MEGF11: variants seen among roughly 807,000 people sequenced by gnomAD.
MEGF11 encodes the protein multiple EGF like domains 11.
A neutral mutation model predicts 146.6 loss-of-function variants in MEGF11; 126 were observed. The observed-to-expected ratio is 0.86, with a 90% CI of 0.74 to 1.00. The LOEUF (loss-of-function observed/expected upper bound fraction) is 1.00. MEGF11 is among the 50% of genes least tolerant of loss of function. MEGF11 has a pLI of 0.00. For synonymous variants in MEGF11, 532 were observed against 583.4 expected, an observed-to-expected ratio of 0.91 and a Z score of 1.27; for missense variants, 1,509 against 1,521.2, an observed-to-expected ratio of 0.99 and a Z score of 0.13.
rs1054874255 is a variant in MEGF11 at position 66,162,727 on chromosome 15, G to A, written c.-8-34316C>T. On this transcript the variant is annotated intron_variant, in intron 1 of 25. Transcript: ENST00000395614. ...ATCTTGGTCTGGGTGGGGCCACACA[G>A]GTGTATCTATCTGTAAAGATTCCTC... Among the ~76,000 whole-genome samples the A allele has an allele frequency of 3.9e-5, 6 of 152,240 alleles. No homozygotes were observed. In the East Asian group the frequency reaches 7.7e-4, roughly 20 times the overall value.
At chr15:66,088,522 T>C (rs1438480952) in intron 5 of MEGF11, among the ~76,000 whole-genome samples, 1 of 152,104 alleles carries the variant, frequency 6.6e-6, no homozygotes. Context: ...CGTGGTGGCA[T>C]GCACCTGCAA....
At chr15:66,208,913 T>C (rs117363946) in intron 1 of MEGF11, among the ~76,000 whole-genome samples, 2,278 of 151,796 alleles carry the variant, frequency 0.015, 23 homozygotes, top group Non-Finnish European at 0.022. Flanking sequence ...TAAAAACATG[T>C]CCCAGCTAGA....
chr15:65,986,879 C>A (rs1383184696), intron 5 of MEGF11, among the ~76,000 whole-genome samples: 5 of 147,226 alleles, frequency 3.4e-5, no homozygotes, highest in African/African-American at 1.3e-4. Flanking sequence ...CTCACTGCAA[C>A]CTCTGTCTCC....
At chr15:65,906,259 TAGTTG>T in intron 23 of MEGF11, 118 bp from the exon 24 acceptor site, 1 of 673,686 alleles carries the variant, frequency 1.5e-6, no homozygotes. Context: ...AGAAAATAAA[TAGTTG>T]TTTATTGCTA....
At chr15:66,063,001 G>A (rs1345023503) in intron 5 of MEGF11, among the ~76,000 whole-genome samples, 3 of 152,218 alleles carry the variant, frequency 2.0e-5, no homozygotes, top group Non-Finnish European at 4.4e-5. Flanking sequence ...GTTTTCAGAT[G>A]TGAGTTTTAA....
At chr15:66,088,610 G>C (rs1392360253) in intron 5 of MEGF11, among the ~76,000 whole-genome samples, 3 of 151,726 alleles carry the variant, frequency 2.0e-5, no homozygotes, top group Non-Finnish European at 4.4e-5. Context: ...AACCGAGATT[G>C]CACCACTGCA....
intron 5 of MEGF11, among the ~76,000 whole-genome samples, chr15:66,054,237 G>A (rs532240535): frequency 6.6e-6 from 1 of 152,164 alleles, no homozygotes; most frequent in Middle Eastern, 3.2e-3. Flanking sequence ...CTCTCCACTG[G>A]CTGGCAGTCC....
At chr15:66,218,979 C>CAAGAAAAAAAAA (rs2091658683) in intron 1 of MEGF11, among the ~76,000 whole-genome samples, 1 of 86,942 alleles carries the variant, frequency 1.2e-5, no homozygotes, top group Non-Finnish European at 2.1e-5. Flanking sequence ...TATCCACAGG[C>CAAGAAAAAAAAA]AAAAAAAAAA....
At chr15:66,103,581 G>A (rs150192722) in intron 4 of MEGF11, among the ~76,000 whole-genome samples, 4 of 152,264 alleles carry the variant, frequency 2.6e-5, no homozygotes, top group East Asian at 1.9e-4. Flanking sequence ...GAGGAGGATG[G>A]GAGAGGAGAA....
intron 4 of MEGF11, among the ~76,000 whole-genome samples, chr15:66,101,186 G>A (rs997238270): frequency 6.6e-6 from 1 of 152,126 alleles, no homozygotes; most frequent in Admixed American, 6.5e-5. Flanking sequence ...GGAAGACATA[G>A]GAAGAGCTTC....
intron 1 of MEGF11, among the ~76,000 whole-genome samples, chr15:66,164,054 G>A (rs899083): frequency 0.99 from 150,898 of 152,150 alleles, 74,834 homozygotes; most frequent in Middle Eastern, 1. Flanking sequence ...GCAGATGAGA[G>A]AAGGTTGTCT....
At chr15:66,096,783 C>T (rs11071857) in intron 4 of MEGF11, among the ~76,000 whole-genome samples, 1 of 152,022 alleles carries the variant, frequency 6.6e-6, no homozygotes, top group Non-Finnish European at 1.5e-5. Context: ...AGAGACCCAG[C>T]CCATCTGCCT....
rs369781201 is a variant in MEGF11, at chr15:65,965,011, G to A, written c.1009C>T (p.Pro337Ser). Residue 337 changes from proline to serine, a missense_variant, in exon 9 of 26, where the codon CCT becomes TCT. Pro to Ser is a moderately conservative substitution (Grantham distance 74). Transcript: ENST00000395614. Reference sequence around the variant, plus strand: ...TGGCAGCGTGGGCCCTTGTAGCCAGGCTCACACTCGCAGGCACCCGTGGTG... The same window carrying A: ...TGGCAGCGTGGGCCCTTGTAGCCAGACTCACACTCGCAGGCACCCGTGGTG... ...SPTTGACECE[P>S]GYKGPRCQER... The A allele has an allele frequency of 8.3e-6, 13 of 1,572,344 alleles. No homozygotes were observed. The South Asian group carries it at 1.2e-4, about 14-fold the overall frequency.
intron 15 of MEGF11, among the ~76,000 whole-genome samples, chr15:65,918,546 G>A (rs2079076093): frequency 1.3e-5 from 2 of 152,244 alleles, no homozygotes. Context: ...AGGGACAAAT[G>A]CCATGTGGCA....
intron 5 of MEGF11, among the ~76,000 whole-genome samples, chr15:65,995,842 C>T (rs543736692): frequency 3.3e-5 from 5 of 152,272 alleles, no homozygotes; most frequent in African/African-American, 4.8e-5. Flanking sequence ...GTATTCAGGA[C>T]GTCCAGGGCA....
intron 10 of MEGF11, among the ~76,000 whole-genome samples, chr15:65,951,458 G>A (rs565383430): frequency 2.6e-5 from 4 of 152,126 alleles, no homozygotes; most frequent in African/African-American, 4.8e-5. Context: ...AGGCCGAGGC[G>A]GGCAGATGAC....
At chr15:66,024,693 C>G (rs2083269592) in intron 5 of MEGF11, among the ~76,000 whole-genome samples, 1 of 152,138 alleles carries the variant, frequency 6.6e-6, no homozygotes, top group Non-Finnish European at 1.5e-5. Context: ...AGTGACCAAG[C>G]CAGGACTGAA....
intron 5 of MEGF11, among the ~76,000 whole-genome samples, chr15:66,023,155 A>AAG: frequency 6.7e-6 from 1 of 149,378 alleles, no homozygotes; most frequent in East Asian, 2.0e-4. Flanking sequence ...AAAAAAAAAA[A>AAG]CAAACTTGTT....
chr15:66,043,745 C>G (rs902051498), intron 5 of MEGF11, among the ~76,000 whole-genome samples: 3 of 152,232 alleles, frequency 2.0e-5, no homozygotes, highest in African/African-American at 7.2e-5. Context: ...ATTCACTCAA[C>G]AGACACACCC....
Sources: allele counts gnomAD v4.1 joint callset (sites outside exome capture counted in the v4.1 genomes callset), GRCh38; gene constraint gnomAD v4.1.1; transcripts MANE v1.5; gene names NCBI Gene and HGNC (gene_info 2026-07-23, HGNC 2026-07-21).